MED27: variants seen among roughly 807,000 people sequenced by gnomAD.
MED27 encodes the protein mediator of RNA polymerase II transcription subunit 27.
In MED27, 30 loss-of-function variants were observed where a neutral mutation model predicts 38.2. The observed-to-expected ratio is 0.79, with a 90% confidence interval of 0.59 to 1.07. The LOEUF is 1.07. Ranked by LOEUF, MED27 falls within the 50% of genes least tolerant of loss-of-function variation. The probability of loss-of-function intolerance (pLI) is 0.00; values close to 1 mark genes in which losing one functional copy is unlikely to be tolerated. For missense variants in MED27, 289 were observed against 397.5 expected (o/e 0.73, Z 2.32); for synonymous variants, 122 against 153.5 (o/e 0.79, Z 1.52).
At position 132,017,672 on chromosome 9, in the gene MED27, C is replaced by T. The variant is rs140942489; in HGVS notation, c.349-3205G>A. On this transcript the variant is annotated intron_variant, in intron 2 of 7. Transcript: ENST00000292035. ...TTAAGTTACTGCTCCACAGGAACAG[C>T]CATTTCCGTGTTGCAGTGTTCTCTG... 9.9e-4 allele frequency among the ~76,000 whole-genome samples: 151 copies of T among 152,298 alleles called. No individual in the cohort carries two copies. In the East Asian group the frequency reaches 0.019, roughly 19 times the overall value.
At chr9:131,993,246 A>T (rs1377647721) in intron 3 of MED27, among the ~76,000 whole-genome samples, 1 of 151,638 alleles carries the variant, frequency 6.6e-6, no homozygotes, top group East Asian at 1.9e-4. Context: ...TTTTTTTTAA[A>T]AAATTCAAGT....
At chr9:131,970,021 G>A (rs949225364) in intron 3 of MED27, among the ~76,000 whole-genome samples, 2 of 152,252 alleles carry the variant, frequency 1.3e-5, no homozygotes, top group Middle Eastern at 3.4e-3. Flanking sequence ...ACCTGCCCTA[G>A]TGCCACAAGA....
At chr9:131,972,699 C>A (rs2131015681) in intron 3 of MED27, among the ~76,000 whole-genome samples, 1 of 152,282 alleles carries the variant, frequency 6.6e-6, no homozygotes, top group Non-Finnish European at 1.5e-5. Context: ...TCAAGAAGAC[C>A]CCTGGTAACA....
intron 4 of MED27, among the ~76,000 whole-genome samples, chr9:131,898,416 T>C (rs1019822555): frequency 2.4e-4 from 36 of 152,112 alleles, no homozygotes; most frequent in Non-Finnish European, 4.4e-4. Flanking sequence ...GGTTTCGCCA[T>C]GTTGACCAGG....
chr9:131,956,147 G>C (rs1831092603), intron 3 of MED27, among the ~76,000 whole-genome samples: 1 of 152,132 alleles, frequency 6.6e-6, no homozygotes, highest in Non-Finnish European at 1.5e-5. Context: ...TATGAACCTT[G>C]GGGAAATTAC....
At chr9:132,047,744 C>A in intron 2 of MED27, among the ~76,000 whole-genome samples, 1 of 152,062 alleles carries the variant, frequency 6.6e-6, no homozygotes, top group Non-Finnish European at 1.5e-5. Flanking sequence ...TTTTAAAATC[C>A]AAATTTTCTG....
intron 4 of MED27, among the ~76,000 whole-genome samples, chr9:131,929,275 G>A (rs1037941606): frequency 1.3e-5 from 2 of 152,206 alleles, no homozygotes; most frequent in Non-Finnish European, 2.9e-5. Context: ...GGCTTCAAGT[G>A]AGATCCAGCA....
intron 3 of MED27, among the ~76,000 whole-genome samples, chr9:131,980,107 G>A (rs1202715832): frequency 2.0e-5 from 3 of 150,272 alleles, no homozygotes; most frequent in Non-Finnish European, 4.4e-5. Flanking sequence ...ATATATGTGT[G>A]TGTGTATATA....
At chr9:132,024,931 A>G (rs1422332995) in intron 2 of MED27, among the ~76,000 whole-genome samples, 1 of 152,176 alleles carries the variant, frequency 6.6e-6, no homozygotes, top group Non-Finnish European at 1.5e-5. Flanking sequence ...ATTCGGTACT[A>G]GAAGATCAAA....
chr9:131,905,896 T>C (rs904220138), intron 4 of MED27, among the ~76,000 whole-genome samples: 1 of 152,160 alleles, frequency 6.6e-6, no homozygotes, highest in Non-Finnish European at 1.5e-5. Context: ...ATACATATTA[T>C]GTGCAGGCCA....
chr9:132,061,713 G>GC (rs1833701766), intron 2 of MED27, among the ~76,000 whole-genome samples: 1 of 152,170 alleles, frequency 6.6e-6, no homozygotes. Context: ...GGGCCCCAGA[G>GC]CCCAGGCTTT....
At chr9:131,964,854 C>G (rs543393048) in intron 3 of MED27, among the ~76,000 whole-genome samples, 1 of 152,186 alleles carries the variant, frequency 6.6e-6, no homozygotes, top group East Asian at 1.9e-4. Context: ...GCATGTTCAA[C>G]GCTACATCTA....
intron 6 of MED27, among the ~76,000 whole-genome samples, chr9:131,871,809 G>T (rs1838840046): frequency 6.6e-6 from 1 of 152,174 alleles, no homozygotes; most frequent in Non-Finnish European, 1.5e-5. Flanking sequence ...CTCCCAAAGT[G>T]CTGGGGTTAT....
At chr9:131,979,844 T>TGGCC (rs1244850457) in intron 3 of MED27, among the ~76,000 whole-genome samples, 1 of 151,850 alleles carries the variant, frequency 6.6e-6, no homozygotes, top group Non-Finnish European at 1.5e-5. Flanking sequence ...GCTGGCTGGC[T>TGGCC]GGCTGGCTGG....
intron 2 of MED27, among the ~76,000 whole-genome samples, chr9:132,039,302 T>C (rs879095287): frequency 1.3e-5 from 2 of 152,070 alleles, no homozygotes; most frequent in Non-Finnish European, 2.9e-5. Flanking sequence ...CAGGGGCTAG[T>C]GAAGAGGAAG....
chr9:132,047,441 G>GACACAAAC (rs149042770), intron 2 of MED27, among the ~76,000 whole-genome samples: 2 of 145,156 alleles, frequency 1.4e-5, no homozygotes, highest in African/African-American at 5.1e-5. Context: ...TAATGTTTTA[G>GACACAAAC]ACACACACAC....
chr9:131,871,102 G>A (rs540180906), intron 6 of MED27, among the ~76,000 whole-genome samples: 197 of 152,134 alleles, frequency 1.3e-3, no homozygotes, highest in Admixed American at 2.7e-3. Context: ...CTGTGTGCCC[G>A]GGATTCAGTG....
chr9:131,940,978 G>C (rs1204269591), intron 3 of MED27, among the ~76,000 whole-genome samples: 1 of 152,180 alleles, frequency 6.6e-6, no homozygotes, highest in East Asian at 1.9e-4. Context: ...CTGATTGATA[G>C]TTCTACCACT....
chr9:131,983,746 T>A (rs1267735345), intron 3 of MED27, among the ~76,000 whole-genome samples: 1 of 152,226 alleles, frequency 6.6e-6, no homozygotes, highest in Non-Finnish European at 1.5e-5. Context: ...TGCTTCTATA[T>A]TTGAAATAAC....
Sources: gnomAD v4.1 joint callset for allele counts (sites outside exome capture counted in the v4.1 genomes callset) on GRCh38, gnomAD v4.1.1 for gene constraint, MANE v1.5 for transcripts, NCBI Gene and HGNC (gene_info 2026-07-23, HGNC 2026-07-21) for gene names.